Variants in CCT8 observed in about 807,000 individuals in gnomAD.
The protein encoded by CCT8 is chaperonin containing TCP1 subunit 8.
CCT8 carries 10 observed loss-of-function variants against 65.7 expected under a neutral mutation model. The observed-to-expected ratio is 0.15, with a 90% CI of 0.09 to 0.26. CCT8 has a LOEUF of 0.26. CCT8 is among the 10% of genes least tolerant of loss of function. The probability of loss-of-function intolerance (pLI) is 1.00; values close to 1 mark genes in which losing one functional copy is unlikely to be tolerated. For synonymous variants in CCT8, 199 were observed against 221.8 expected (o/e 0.90, Z 0.92); for missense variants, 568 against 669.1 (o/e 0.85, Z 1.67).
At chr21:29,066,433 G>A (rs371091533) in intron 6 of CCT8, among the ~76,000 whole-genome samples, 47 of 152,206 alleles carry the variant, frequency 3.1e-4, no homozygotes, top group African/African-American at 8.4e-4. Context: ...CCAGCTACTC[G>A]GGAGGCTGGG....
intron 6 of CCT8, among the ~76,000 whole-genome samples, chr21:29,065,553 C>T (rs557225181): frequency 6.6e-6 from 1 of 152,336 alleles, no homozygotes; most frequent in Non-Finnish European, 1.5e-5. Context: ...AGCACATGTA[C>T]TTATGTTATG....
At chr21:29,072,965 C>G (rs896773405) in intron 1 of CCT8, among the ~76,000 whole-genome samples, 1 of 152,222 alleles carries the variant, frequency 6.6e-6, no homozygotes, top group Non-Finnish European at 1.5e-5. Context: ...ATTAAGCCAG[C>G]TAACATAAGT....
chr21:29,067,785 A>G (rs2085640303), intron 3 of CCT8, 80 bp from the exon 4 acceptor site: 4 of 1,101,460 alleles, frequency 3.6e-6, no homozygotes, highest in African/African-American at 1.6e-5. Context: ...TCTTAAATAG[A>G]CTCAATTTTC....
chr21:29,066,917 A>G lies in CCT8; in HGVS notation c.536T>C (p.Leu179Pro). The G allele has an allele frequency of 6.2e-7, 1 of 1,608,864 alleles. No individual in the cohort carries two copies. Among genetic ancestry groups the G allele is most frequent in the East Asian group, 2.2e-5 (1 of 44,746 alleles). The change falls in exon 5 of 15, where the codon CTG becomes CCG. Residue 179 changes from leucine to proline, a missense_variant. Leu to Pro is a moderately conservative substitution (Grantham distance 98). Coordinates refer to ENST00000286788, the MANE Select transcript of CCT8 (RefSeq NM_006585.4). Reference sequence around the variant, plus strand: ...GCATGCCTGAGCAATAAGCTTGGCCAGAAATACTTCATTACCATATTGTTT... The same window carrying G: ...GCATGCCTGAGCAATAAGCTTGGCCGGAAATACTTCATTACCATATTGTTT... ...MSKQYGNEVF[L>P]AKLIAQACVS...
Position 29,064,894 on chromosome 21 carries a change from T to C in CCT8, c.762+74A>G, listed in dbSNP as rs535304949. Reference sequence around the variant, plus strand: ...GTTCAGTTTTTTAAGAAGTACTTACTGGTTTAAGAGCTAACTCAAACAATC... The same window carrying C: ...GTTCAGTTTTTTAAGAAGTACTTACCGGTTTAAGAGCTAACTCAAACAATC... On this transcript the variant is annotated intron_variant, in intron 7 of 14. Coordinates refer to ENST00000286788, the MANE Select transcript of CCT8 (RefSeq NM_006585.4). 2.8e-5 allele frequency: 37 copies of C among 1,314,520 alleles called. No homozygotes were observed. The African/African-American group carries it at 4.7e-4, about 17-fold the overall frequency. The allele number at this position is 1,314,520 out of a possible 1,614,324, so 81.4% of individuals were successfully genotyped here.
chr21:29,067,459 G>A (rs1246468388), intron 4 of CCT8, 97 bp downstream of exon 4: 4 of 954,534 alleles, frequency 4.2e-6, no homozygotes, highest in Admixed American at 3.5e-5. Flanking sequence ...CTCAGTGCAT[G>A]TTAGCTACTA....
Position 29,067,633 on chromosome 21 carries a change from T to C in CCT8, c.304A>G (p.Asn102Asp). The C allele has an allele frequency of 1.4e-6, 2 of 1,416,724 alleles. No individual in the cohort carries two copies. Among genetic ancestry groups the C allele is most frequent in the East Asian group, 2.7e-5 (1 of 36,848 alleles). 87.8% of individuals were successfully genotyped at this position (1,416,724 alleles called of 1,614,324 possible). The change falls in exon 4 of 15, where the codon AAC becomes GAC. Residue 102 changes from asparagine (N) to aspartate (D), a missense_variant. Asn to Asp is a conservative substitution (Grantham distance 23). Transcript: ENST00000286788. ...MQEQEVGDGTNFVLVFAGALL... is the reference protein window; with the variant it reads ...MQEQEVGDGTDFVLVFAGALL... ...GCTCCAGCAAATACCAGAACAAAGT[T>C]TGTGCCATCTCCAACTTCTTGCTCT...
At chr21:29,056,743 G>GA (rs1344231045) in intron 14 of CCT8, among the ~76,000 whole-genome samples, 191 bp from the exon 15 acceptor site, 2 of 152,232 alleles carry the variant, frequency 1.3e-5, no homozygotes, top group African/African-American at 4.8e-5. Flanking sequence ...CAGCGCATGA[G>GA]AAAGTTTACT....
chr21:29,063,445 A>G lies in CCT8; in HGVS notation c.848T>C (p.Ile283Thr), dbSNP rs2085586151. 1 of 1,613,996 alleles carries G rather than the reference A, an allele frequency of 6.2e-7. No homozygotes were observed. Among genetic ancestry groups the G allele is most frequent in the African/African-American group, 1.3e-5 (1 of 74,944 alleles). ...ENLMDAQVKA[I>T]ADTGANVVVT... is the part of the protein sequence containing the mutation. ...TACGACATTTGCACCAGTATCAGCAATAGCTTTGACTTGTGCATCCATGAG... is the reference window on the plus strand; with the variant it reads ...TACGACATTTGCACCAGTATCAGCAGTAGCTTTGACTTGTGCATCCATGAG... The change falls in exon 8 of 15, where the codon ATT (isoleucine) becomes ACT (threonine). Residue 283 changes from isoleucine (I) to threonine (T), a missense_variant. Transcript: ENST00000286788.
rs774447008 is a variant in CCT8 at position 29,062,479 on chromosome 21, A to G, written c.1008+11T>C. ...GTTCAACTATCTTTTAGTGTTTTCC[A>G]AAATACATACCAATCTAGGAAGAGC... On this transcript the variant is annotated intron_variant, in intron 9 of 14. Coordinates refer to ENST00000286788, the MANE Select transcript of CCT8 (RefSeq NM_006585.4). The G allele has an allele frequency of 1.2e-6, 2 of 1,613,514 alleles. No homozygotes were observed. Among genetic ancestry groups the G allele is most frequent in the African/African-American group, 1.3e-5 (1 of 75,054 alleles).
chr21:29,060,140 A>G (rs924157387), intron 14 of CCT8: 1 of 152,980 alleles, frequency 6.5e-6, no homozygotes. Context: ...AACATCTTTT[A>G]GTATCTCAAG....
At chr21:29,058,378 T>C (rs977950844) in intron 14 of CCT8, among the ~76,000 whole-genome samples, 4 of 151,454 alleles carry the variant, frequency 2.6e-5, no homozygotes, top group Admixed American at 2.6e-4. Context: ...GAGGTGGCGG[T>C]TGCAGTAAGC....
chr21:29,068,983 A>G (rs570685738), intron 3 of CCT8, among the ~76,000 whole-genome samples: 1 of 152,292 alleles, frequency 6.6e-6, no homozygotes, highest in East Asian at 1.9e-4. Context: ...GGCAGTATCT[A>G]TTTTATAGAT....
chr21:29,056,631 TTTAAGA>T, intron 14 of CCT8, 79 bp from the exon 15 acceptor site: 1 of 873,704 alleles, frequency 1.1e-6, no homozygotes, highest in African/African-American at 1.7e-5. Context: ...ATTAGCATGA[TTTAAGA>T]TTAAGCAGTC....
chr21:29,068,708 G>A (rs1568915125), intron 3 of CCT8, among the ~76,000 whole-genome samples: 1 of 152,056 alleles, frequency 6.6e-6, no homozygotes, highest in Non-Finnish European at 1.5e-5. Context: ...TAGGTGATCC[G>A]CCTGCCTTGA....
chr21:29,070,154 T>A (rs2183569), intron 2 of CCT8, 93 bp downstream of exon 2: 1 of 651,968 alleles, frequency 1.5e-6, no homozygotes, highest in South Asian at 2.8e-5. Context: ...ACTTCCGAAG[T>A]CATACCATAA....
At chr21:29,056,787 G>A (rs528903649) in intron 14 of CCT8, among the ~76,000 whole-genome samples, 2 of 152,314 alleles carry the variant, frequency 1.3e-5, no homozygotes, top group South Asian at 2.1e-4. Context: ...AATCCACAGA[G>A]ATTAGTGAAC....
At chr21:29,068,461 A>AT (rs954742316) in intron 3 of CCT8, among the ~76,000 whole-genome samples, 59 of 151,006 alleles carry the variant, frequency 3.9e-4, no homozygotes, top group East Asian at 1.4e-3. Context: ...TATAATATGT[A>AT]TTTTTTTTTC....
At chr21:29,058,008 G>T (rs1489945102) in intron 14 of CCT8, 7 of 151,820 alleles carry the variant, frequency 4.6e-5, no homozygotes, top group Admixed American at 4.6e-4. Flanking sequence ...GATAGAGTAA[G>T]ACCTTATCAC....
Sources: gnomAD v4.1 joint callset for allele counts (sites outside exome capture counted in the v4.1 genomes callset) on GRCh38, gnomAD v4.1.1 for gene constraint, MANE v1.5 for transcripts, NCBI Gene and HGNC (gene_info 2026-07-23, HGNC 2026-07-21) for gene names.